Variants in CNTN4 observed in about 807,000 individuals in gnomAD.
The protein encoded by CNTN4 is contactin-4.
In CNTN4, 77 loss-of-function variants were observed where a neutral mutation model predicts 122.5. That is an observed-to-expected ratio of 0.63 (90% CI 0.52 to 0.76). The LOEUF (loss-of-function observed/expected upper bound fraction) is 0.76. CNTN4 is among the 30% of genes least tolerant of loss of function. The probability of loss-of-function intolerance (pLI) is 0.00; values close to 1 mark genes in which losing one functional copy is unlikely to be tolerated. For missense variants in CNTN4, 1,256 were observed against 1,259.1 expected (o/e 1.00, Z 0.04); for synonymous variants, 512 against 447.0 (o/e 1.15, Z -1.83).
chr3:2,326,361 C>T (rs542689846), intron 2 of CNTN4, among the ~76,000 whole-genome samples: 1 of 152,188 alleles, frequency 6.6e-6, no homozygotes, highest in South Asian at 2.1e-4. Flanking sequence ...GGGCCTCAGG[C>T]CTTTGAACTT....
intron 2 of CNTN4, among the ~76,000 whole-genome samples, chr3:2,328,181 G>T (rs572086177): frequency 2.0e-5 from 3 of 152,122 alleles, no homozygotes; most frequent in Non-Finnish European, 2.9e-5. Context: ...CGAGGCGGGC[G>T]GATCACGGGG....
intron 3 of CNTN4, among the ~76,000 whole-genome samples, chr3:2,399,303 G>A (rs1172487932): frequency 2.6e-5 from 4 of 151,874 alleles, no homozygotes; most frequent in African/African-American, 9.7e-5. Context: ...CCTATCTAGT[G>A]TCTTATGTTA....
chr3:2,787,416 C>T (rs1022663098), intron 6 of CNTN4, among the ~76,000 whole-genome samples: 2 of 152,126 alleles, frequency 1.3e-5, no homozygotes, highest in Non-Finnish European at 2.9e-5. Flanking sequence ...ATATAAAAGG[C>T]ATCTGACCAA....
At chr3:2,256,717 G>C (rs1011360011) in intron 2 of CNTN4, among the ~76,000 whole-genome samples, 2 of 152,022 alleles carry the variant, frequency 1.3e-5, no homozygotes, top group African/African-American at 4.8e-5. Context: ...AAATACCTAG[G>C]AATACAACTT....
At position 2,403,366 on chromosome 3, in the gene CNTN4, A is replaced by G. The variant is rs865811495; in HGVS notation, c.-89+64133A>G. ...GAAGGGGGACACAGTTCAACACATA[A>G]CAAGGAACATAACATTTTTTTTGTC... On this transcript the variant is annotated intron_variant, in intron 3 of 24. Coordinates refer to ENST00000418658, the MANE Select transcript of CNTN4 (RefSeq NM_175607.3). Among the ~76,000 whole-genome samples the G allele has an allele frequency of 2.6e-5, 4 of 152,150 alleles. No homozygotes were observed. In the East Asian group the frequency reaches 5.8e-4, roughly 22 times the overall value.
chr3:2,623,117 C>T (rs1310789106), intron 4 of CNTN4, among the ~76,000 whole-genome samples: 2 of 152,186 alleles, frequency 1.3e-5, no homozygotes, highest in African/African-American at 2.4e-5. Flanking sequence ...AACTACTTCC[C>T]TGCTCATGGT....
intron 3 of CNTN4, among the ~76,000 whole-genome samples, chr3:2,550,016 G>A (rs2078421167): frequency 6.6e-6 from 1 of 152,090 alleles, no homozygotes; most frequent in Admixed American, 6.6e-5. Flanking sequence ...TCTAATGGTA[G>A]TTTATATTTC....
At chr3:2,952,637 T>C (rs992735173) in intron 13 of CNTN4, among the ~76,000 whole-genome samples, 5 of 152,222 alleles carry the variant, frequency 3.3e-5, no homozygotes, top group Admixed American at 3.3e-4. Flanking sequence ...ACATTTTCAT[T>C]CTATGTTTTT....
intron 14 of CNTN4, among the ~76,000 whole-genome samples, chr3:3,005,541 C>T (rs868284411): frequency 6.6e-6 from 1 of 152,174 alleles, no homozygotes; most frequent in Non-Finnish European, 1.5e-5. Flanking sequence ...GTTTCCGCAG[C>T]GTAAGCAGAA....
At chr3:2,404,288 G>A (rs1451301226) in intron 3 of CNTN4, among the ~76,000 whole-genome samples, 2 of 152,274 alleles carry the variant, frequency 1.3e-5, no homozygotes, top group East Asian at 1.9e-4. Context: ...GTCGTGACAG[G>A]CCTTTCCCCT....
chr3:2,392,427 C>T (rs1411950613), intron 3 of CNTN4, among the ~76,000 whole-genome samples: 1 of 152,118 alleles, frequency 6.6e-6, no homozygotes, highest in African/African-American at 2.4e-5. Flanking sequence ...CTCATTATGC[C>T]TTGTTACCAG....
intron 6 of CNTN4, among the ~76,000 whole-genome samples, chr3:2,787,370 C>A (rs570300031): frequency 1.3e-5 from 2 of 151,490 alleles, no homozygotes; most frequent in East Asian, 3.9e-4. Flanking sequence ...AGCGAGACTC[C>A]GCCTCAAAAA....
intron 14 of CNTN4, among the ~76,000 whole-genome samples, chr3:3,011,906 T>TGATGAG (rs11278597): frequency 0.015 from 2,264 of 152,014 alleles, 53 homozygotes; most frequent in African/African-American, 0.052. Flanking sequence ...ATGACAGTGA[T>TGATGAG]GATGAGGATG....
At chr3:2,617,984 A>T (rs1371089650) in intron 4 of CNTN4, among the ~76,000 whole-genome samples, 1 of 152,316 alleles carries the variant, frequency 6.6e-6, no homozygotes, top group East Asian at 1.9e-4. Flanking sequence ...TGTTGAATGG[A>T]AGTAGAAAAT....
intron 6 of CNTN4, among the ~76,000 whole-genome samples, chr3:2,782,639 C>G (rs2091650537): frequency 6.6e-6 from 1 of 152,120 alleles, no homozygotes; most frequent in Admixed American, 6.6e-5. Context: ...ACCGGGCGAA[C>G]AGGAGACCAG....
Position 2,187,153 on chromosome 3 carries a change from C to T in CNTN4, c.-145+86514C>T, listed in dbSNP as rs185206771. Among the ~76,000 whole-genome samples, 144 of 152,226 alleles carry T rather than the reference C, an allele frequency of 9.5e-4. 2 individuals are homozygous for T. The East Asian group carries it at 0.026, about 28-fold the overall frequency. ...TTTCAGCTTTCTACATATGGCTAGC[C>T]TGTTTTCCCAGCACCATTTATTAAA... On this transcript the variant is annotated intron_variant, in intron 2 of 24. Transcript: ENST00000418658.
chr3:2,926,843 C>T (rs761634597), intron 13 of CNTN4, among the ~76,000 whole-genome samples: 6 of 152,134 alleles, frequency 3.9e-5, no homozygotes, highest in Non-Finnish European at 8.8e-5. Flanking sequence ...GTATACATCC[C>T]TTTCTGATTT....
intron 3 of CNTN4, among the ~76,000 whole-genome samples, chr3:2,447,270 G>C (rs761849432): frequency 6.6e-6 from 1 of 152,082 alleles, no homozygotes; most frequent in Non-Finnish European, 1.5e-5. Context: ...CAGATTCCAA[G>C]TACATGCCTG....
At chr3:2,669,433 T>A (rs2084368806) in intron 4 of CNTN4, among the ~76,000 whole-genome samples, 1 of 152,236 alleles carries the variant, frequency 6.6e-6, no homozygotes, top group South Asian at 2.1e-4. Flanking sequence ...GGATCAGTGG[T>A]GATATCCCCT....
Sources: allele counts gnomAD v4.1 joint callset (sites outside exome capture counted in the v4.1 genomes callset), GRCh38; gene constraint gnomAD v4.1.1; transcripts MANE v1.5; gene names NCBI Gene and HGNC (gene_info 2026-07-23, HGNC 2026-07-21).